CNTNAP2: variants seen among roughly 807,000 people sequenced by gnomAD.
CNTNAP2 encodes contactin associated protein 2, also known as contactin-associated protein-like 2.
CNTNAP2 carries 98 observed loss-of-function variants against 155.2 expected under a neutral mutation model. The ratio of observed to expected loss-of-function variants is 0.63; its 90% CI spans 0.54 to 0.75. The LOEUF (loss-of-function observed/expected upper bound fraction) is 0.75. CNTNAP2 is among the 30% of genes least tolerant of loss of function. The pLI, the probability that CNTNAP2 is intolerant of heterozygous loss-of-function variation, is 0.00. For missense variants in CNTNAP2, 1,727 were observed against 1,688.1 expected, an observed-to-expected ratio of 1.02 and a Z score of -0.40; for synonymous variants, 651 against 631.2, an observed-to-expected ratio of 1.03 and a Z score of -0.47.
rs770257017 is a variant in CNTNAP2 at position 147,132,527 on chromosome 7, G to A, written c.1348+18G>A. On this transcript the variant is annotated intron_variant, in intron 8 of 23. Coordinates refer to ENST00000361727, the MANE Select transcript of CNTNAP2 (RefSeq NM_014141.6). Reference sequence around the variant, plus strand: ...TTCCTCAGGTCAGTGAAACCTATTTGACATTTGTTCCTGAAACTTATTGCA... The same window carrying A: ...TTCCTCAGGTCAGTGAAACCTATTTAACATTTGTTCCTGAAACTTATTGCA... 6.2e-7 allele frequency: 1 copy of A among 1,613,174 alleles called. No individual in the cohort carries two copies. The highest frequency in any genetic ancestry group is 8.5e-7 in the Non-Finnish European group (1 of 1,179,482).
intron 9 of CNTNAP2, among the ~76,000 whole-genome samples, chr7:147,385,196 T>C (rs1796605282): frequency 6.6e-6 from 1 of 152,160 alleles, no homozygotes; most frequent in South Asian, 2.1e-4. Context: ...CCCTGACTCG[T>C]GGGAAGTGTG....
intron 1 of CNTNAP2, among the ~76,000 whole-genome samples, chr7:146,148,926 G>A (rs923514637): frequency 6.6e-6 from 1 of 151,762 alleles, no homozygotes; most frequent in African/African-American, 2.4e-5. Context: ...TATATTGCTA[G>A]GTATGTTATG....
chr7:148,123,253 G>GTAC (rs1804637990), intron 16 of CNTNAP2, among the ~76,000 whole-genome samples: 10 of 152,068 alleles, frequency 6.6e-5, no homozygotes, highest in Non-Finnish European at 1.2e-4. Context: ...GTAGAGAGAG[G>GTAC]AAGCAAGATG....
At chr7:146,484,606 A>C (rs188563814) in intron 1 of CNTNAP2, among the ~76,000 whole-genome samples, 1 of 152,336 alleles carries the variant, frequency 6.6e-6, no homozygotes, top group Admixed American at 6.5e-5. Flanking sequence ...TTATACTAAA[A>C]CAAAAATCTC....
At chr7:146,540,632 G>C (rs1290652441) in intron 1 of CNTNAP2, among the ~76,000 whole-genome samples, 1 of 151,898 alleles carries the variant, frequency 6.6e-6, no homozygotes, top group Admixed American at 6.6e-5. Context: ...ACTCCAAAGA[G>C]AGGAAGTGAT....
intron 10 of CNTNAP2, among the ~76,000 whole-genome samples, chr7:147,415,165 T>C (rs867217063): frequency 1.1e-4 from 17 of 152,166 alleles, no homozygotes; most frequent in African/African-American, 3.9e-4. Context: ...GAGCATACAA[T>C]TGCTTATGCT....
At chr7:148,096,257 G>C (rs889885895) in intron 15 of CNTNAP2, among the ~76,000 whole-genome samples, 2 of 148,210 alleles carry the variant, frequency 1.3e-5, no homozygotes, top group Admixed American at 1.4e-4. Context: ...TAAGCTGAAC[G>C]TTTTTCTGCG....
intron 21 of CNTNAP2, among the ~76,000 whole-genome samples, chr7:148,367,344 A>G (rs769660705): frequency 1.3e-5 from 2 of 152,200 alleles, no homozygotes; most frequent in Non-Finnish European, 2.9e-5. Context: ...TGTTCTAATA[A>G]CATTTAAAAT....
intron 13 of CNTNAP2, among the ~76,000 whole-genome samples, chr7:147,731,388 A>C (rs1796736164): frequency 6.6e-6 from 1 of 151,822 alleles, no homozygotes; most frequent in African/African-American, 2.4e-5. Context: ...TACTATCTCT[A>C]CTCTGCCTGT....
At chr7:146,643,385 C>A (rs953754294) in intron 1 of CNTNAP2, among the ~76,000 whole-genome samples, 2 of 151,998 alleles carry the variant, frequency 1.3e-5, no homozygotes, top group African/African-American at 2.4e-5. Context: ...TATGGCTAGC[C>A]AGTTTTCCCA....
intron 21 of CNTNAP2, among the ~76,000 whole-genome samples, chr7:148,278,569 C>CAAAAAA (rs34230909): frequency 8.6e-6 from 1 of 116,598 alleles, no homozygotes; most frequent in African/African-American, 3.3e-5. Context: ...GACTACATCT[C>CAAAAAA]AAAAAAAAAA....
chr7:147,004,863 T>A (rs1238987795), intron 3 of CNTNAP2, among the ~76,000 whole-genome samples: 3 of 152,064 alleles, frequency 2.0e-5, no homozygotes. Flanking sequence ...CTAGATAATA[T>A]GGAATATACT....
At chr7:146,705,765 A>AG (rs1800953945) in intron 1 of CNTNAP2, among the ~76,000 whole-genome samples, 1 of 152,074 alleles carries the variant, frequency 6.6e-6, no homozygotes, top group South Asian at 2.1e-4. Flanking sequence ...TACCACCATG[A>AG]GGAAAGTATG....
intron 15 of CNTNAP2, among the ~76,000 whole-genome samples, chr7:148,093,296 G>A (rs529023109): frequency 1.2e-4 from 18 of 152,040 alleles, no homozygotes; most frequent in South Asian, 2.1e-4. Flanking sequence ...TACTCCTTTC[G>A]GAAAATCACA....
intron 13 of CNTNAP2, among the ~76,000 whole-genome samples, chr7:147,752,061 G>A (rs994896938): frequency 1.3e-5 from 2 of 152,324 alleles, no homozygotes; most frequent in Middle Eastern, 3.4e-3. Context: ...GAAGGTCACA[G>A]TGACTACTGT....
intron 21 of CNTNAP2, among the ~76,000 whole-genome samples, chr7:148,303,993 T>A (rs1466600696): frequency 6.6e-6 from 1 of 152,234 alleles, no homozygotes; most frequent in South Asian, 2.1e-4. Flanking sequence ...TTTAGCGAAC[T>A]CTTTGAAGTT....
At chr7:146,911,630 G>C (rs1311595766) in intron 3 of CNTNAP2, among the ~76,000 whole-genome samples, 2 of 138,176 alleles carry the variant, frequency 1.4e-5, no homozygotes, top group Non-Finnish European at 3.1e-5. Flanking sequence ...CACATGAAGG[G>C]GAGTACCACA....
At chr7:147,654,743 T>C (rs1321394607) in intron 13 of CNTNAP2, among the ~76,000 whole-genome samples, 1 of 151,944 alleles carries the variant, frequency 6.6e-6, no homozygotes, top group Non-Finnish European at 1.5e-5. Context: ...GTTTTCAATG[T>C]AGTTTACTCA....
At chr7:148,310,891 A>G (rs1348155537) in intron 21 of CNTNAP2, among the ~76,000 whole-genome samples, 4 of 152,082 alleles carry the variant, frequency 2.6e-5, no homozygotes, top group Admixed American at 1.3e-4. Flanking sequence ...GTGTGAGAAA[A>G]CGTTGAGTAT....
Sources: gnomAD v4.1 joint callset for allele counts (sites outside exome capture counted in the v4.1 genomes callset) on GRCh38, gnomAD v4.1.1 for gene constraint, MANE v1.5 for transcripts, NCBI Gene and HGNC (gene_info 2026-07-23, HGNC 2026-07-21) for gene names.